The following RIMS1 variants were observed in gnomAD, a reference collection of about 807,000 sequenced individuals.
RIMS1 encodes regulating synaptic membrane exocytosis 1.
In RIMS1, 83 loss-of-function variants were observed where a neutral mutation model predicts 214.1. The ratio of observed to expected loss-of-function variants is 0.39; its 90% CI spans 0.32 to 0.47. The LOEUF (loss-of-function observed/expected upper bound fraction) is 0.47. Among genes scored for constraint, RIMS1 ranks in the 20% least tolerant of loss-of-function variants. The pLI, the probability that RIMS1 is intolerant of heterozygous loss-of-function variation, is 0.99. For synonymous variants in RIMS1, 793 were observed against 786.8 expected (o/e 1.01, Z -0.13); for missense variants, 2,050 against 2,161.8 (o/e 0.95, Z 1.03).
At chr6:72,251,514 A>G (rs2073309271) in intron 15 of RIMS1, 146 bp downstream of exon 15, 1 of 670,054 alleles carries the variant, frequency 1.5e-6, no homozygotes, top group Non-Finnish European at 2.4e-6. Context: ...CAACTTGGCA[A>G]AACTGTTTCT....
At position 72,217,093 on chromosome 6, in the gene RIMS1, A is replaced by AT. The variant is rs1266269950; in HGVS notation, c.1679-16674dup. ...TATTTAAAATGTTGTATTTTGGTGG[A>AT]TTTTTTAATTGTGTTGTGCATTTGC... On this transcript the variant is annotated intron_variant, in intron 6 of 33. Transcript: ENST00000521978. The AT allele has an allele frequency of 6.6e-6, 10 of 1,510,258 alleles. No individual in the cohort carries two copies. In the East Asian group the frequency reaches 7.4e-5, roughly 11 times the overall value. 93.6% of individuals were successfully genotyped at this position (1,510,258 alleles called of 1,614,324 possible).
At chr6:72,375,896 T>C (rs2098361890) in intron 29 of RIMS1, among the ~76,000 whole-genome samples, 2 of 152,310 alleles carry the variant, frequency 1.3e-5, no homozygotes, top group South Asian at 2.1e-4. Flanking sequence ...TCCCTTTTAA[T>C]AAAATGGAAA....
intron 16 of RIMS1, among the ~76,000 whole-genome samples, chr6:72,254,705 TTC>T (rs1459793428): frequency 6.6e-6 from 1 of 152,186 alleles, no homozygotes; most frequent in Non-Finnish European, 1.5e-5. Context: ...TTCTTCCTCT[TTC>T]TCTGAGAGAG....
At chr6:72,304,700 A>G (rs1299377069) in intron 26 of RIMS1, among the ~76,000 whole-genome samples, 1 of 151,976 alleles carries the variant, frequency 6.6e-6, no homozygotes, top group Non-Finnish European at 1.5e-5. Context: ...ACTGAAGCAC[A>G]ATAACTTGTA....
intron 2 of RIMS1, among the ~76,000 whole-genome samples, chr6:72,003,835 A>G (rs997480525): frequency 6.6e-6 from 1 of 150,922 alleles, no homozygotes; most frequent in East Asian, 2.0e-4. Context: ...GAGGCTAAAG[A>G]TCATTTTTCT....
chr6:71,970,614 C>T lies in RIMS1; in HGVS notation c.245+1551C>T, dbSNP rs138991188. On this transcript the variant is annotated intron_variant, in intron 2 of 33. Coordinates refer to ENST00000521978, the MANE Select transcript of RIMS1 (RefSeq NM_014989.7). The stretch of plus-strand genomic sequence containing the variant: ...CACTTTCACAGTTGTAGAAATCTGT[C>T]GTCACTTTAATTGCACCTTGTGGAA... Among the ~76,000 whole-genome samples, 331 of 152,258 alleles carry T rather than the reference C, an allele frequency of 2.2e-3. 1 individual carries two copies. Among genetic ancestry groups the T allele is most frequent in the African/African-American group, 7.5e-3 (312 of 41,562 alleles).
At chr6:71,899,419 A>C (rs925691360) in intron 1 of RIMS1, among the ~76,000 whole-genome samples, 2 of 151,870 alleles carry the variant, frequency 1.3e-5, no homozygotes, top group African/African-American at 2.4e-5. Context: ...AAGGAAAGTT[A>C]GTGGGATGAG....
At chr6:72,190,652 G>C (rs1024493032) in intron 6 of RIMS1, among the ~76,000 whole-genome samples, 1 of 152,008 alleles carries the variant, frequency 6.6e-6, no homozygotes, top group Non-Finnish European at 1.5e-5. Context: ...TGCATGCTGT[G>C]GGGGAGAAGG....
At chr6:72,282,564 T>C (rs2090653680) in intron 23 of RIMS1, among the ~76,000 whole-genome samples, 1 of 152,128 alleles carries the variant, frequency 6.6e-6, no homozygotes, top group Admixed American at 6.6e-5. Context: ...AATCTCTCTC[T>C]TCCACTCTCT....
At chr6:72,281,566 C>G (rs2090118273) in intron 23 of RIMS1, among the ~76,000 whole-genome samples, 1 of 150,832 alleles carries the variant, frequency 6.6e-6, no homozygotes, top group Non-Finnish European at 1.5e-5. Context: ...AAGTTTTATT[C>G]AAGGGTCCAC....
At chr6:72,390,837 T>C in intron 30 of RIMS1, 101 bp downstream of exon 30, 1 of 1,411,588 alleles carries the variant, frequency 7.1e-7, no homozygotes, top group Admixed American at 2.2e-5. Context: ...GCTTCTCTAT[T>C]TAATCAGAAG....
chr6:72,138,062 TC>T (rs1428626019), intron 4 of RIMS1, among the ~76,000 whole-genome samples: 1 of 151,930 alleles, frequency 6.6e-6, no homozygotes, highest in Non-Finnish European at 1.5e-5. Context: ...AATGCAAAGA[TC>T]GTATGTGAGT....
chr6:71,969,689 A>T (rs1217329479), intron 2 of RIMS1, among the ~76,000 whole-genome samples: 2 of 152,066 alleles, frequency 1.3e-5, no homozygotes, highest in African/African-American at 4.8e-5. Flanking sequence ...GGCATCTGTA[A>T]TCCCAGCTAC....
chr6:72,356,171 A>G (rs1198752176), intron 29 of RIMS1, among the ~76,000 whole-genome samples: 3 of 152,196 alleles, frequency 2.0e-5, no homozygotes, highest in Non-Finnish European at 4.4e-5. Context: ...CGGTATCTTT[A>G]GAACATAATT....
At chr6:72,119,193 G>C (rs1483898913) in intron 4 of RIMS1, among the ~76,000 whole-genome samples, 1 of 151,548 alleles carries the variant, frequency 6.6e-6, no homozygotes, top group Non-Finnish European at 1.5e-5. Context: ...ACTGAGCTGA[G>C]AATCAAATAA....
At chr6:72,116,285 G>C (rs966306109) in intron 4 of RIMS1, among the ~76,000 whole-genome samples, 1 of 151,944 alleles carries the variant, frequency 6.6e-6, no homozygotes, top group Admixed American at 6.6e-5. Flanking sequence ...TTGGTAACAA[G>C]AGTCATCAAG....
chr6:72,139,436 A>T (rs1819067), intron 4 of RIMS1, among the ~76,000 whole-genome samples: 1 of 152,030 alleles, frequency 6.6e-6, no homozygotes, highest in East Asian at 1.9e-4. Flanking sequence ...CTTAAAAAGC[A>T]CTGCCCACCC....
At chr6:72,104,325 A>G (rs2034280187) in intron 4 of RIMS1, among the ~76,000 whole-genome samples, 1 of 152,192 alleles carries the variant, frequency 6.6e-6, no homozygotes, top group African/African-American at 2.4e-5. Flanking sequence ...TTCATGGTGC[A>G]TAATATATTT....
chr6:72,088,217 CTTTATTTATTTA>C (rs3079733), intron 2 of RIMS1, among the ~76,000 whole-genome samples: 3,580 of 142,804 alleles, frequency 0.025, 61 homozygotes, highest in South Asian at 0.072. Context: ...TATTTATTTA[CTTTATTTATTTA>C]TTTATTTATT....
Sources: allele counts gnomAD v4.1 joint callset (sites outside exome capture counted in the v4.1 genomes callset), GRCh38; gene constraint gnomAD v4.1.1; transcripts MANE v1.5; gene names NCBI Gene and HGNC (gene_info 2026-07-23, HGNC 2026-07-21).